NRG3: variants seen among roughly 807,000 people sequenced by gnomAD.
NRG3 encodes the protein pro-neuregulin-3, membrane-bound isoform.
A neutral mutation model predicts 66.9 loss-of-function variants in NRG3; 31 were observed. That is an observed-to-expected ratio of 0.46 (90% CI 0.35 to 0.63). NRG3 has a LOEUF of 0.63. NRG3 is among the 20% of genes least tolerant of loss of function. The pLI, the probability that NRG3 is intolerant of heterozygous loss-of-function variation, is 0.00. For missense variants in NRG3, 910 were observed against 878.9 expected (o/e 1.04, Z -0.45); for synonymous variants, 393 against 359.4 (o/e 1.09, Z -1.06).
chr10:82,565,642 G>T (rs2045353725), intron 2 of NRG3, among the ~76,000 whole-genome samples: 1 of 152,008 alleles, frequency 6.6e-6, no homozygotes, highest in Non-Finnish European at 1.5e-5. Context: ...TCTCAGGCTT[G>T]GTTGATTGGA....
intron 3 of NRG3, among the ~76,000 whole-genome samples, chr10:82,841,153 AG>A (rs1281351447): frequency 6.6e-6 from 1 of 152,132 alleles, no homozygotes; most frequent in Non-Finnish European, 1.5e-5. Flanking sequence ...AGGAACACAA[AG>A]GATTGCTGCC....
intron 4 of NRG3, among the ~76,000 whole-genome samples, chr10:82,929,748 T>G (rs1847367269): frequency 6.6e-6 from 1 of 151,792 alleles, no homozygotes; most frequent in Admixed American, 6.6e-5. Flanking sequence ...GCATGGTGGT[T>G]GGCACCTGTA....
chr10:82,436,150 C>T (rs1032384184), intron 2 of NRG3, among the ~76,000 whole-genome samples: 1 of 152,118 alleles, frequency 6.6e-6, no homozygotes, highest in African/African-American at 2.4e-5. Flanking sequence ...TAAAGTCTCC[C>T]ACTAGTATTG....
intron 2 of NRG3, among the ~76,000 whole-genome samples, chr10:82,650,313 C>T (rs1202717965): frequency 6.6e-6 from 1 of 152,146 alleles, no homozygotes; most frequent in Non-Finnish European, 1.5e-5. Flanking sequence ...AGGATACTGG[C>T]CCTGGGCTAT....
chr10:82,126,879 G>A (rs764757942), intron 1 of NRG3, among the ~76,000 whole-genome samples: 3 of 152,068 alleles, frequency 2.0e-5, no homozygotes, highest in Non-Finnish European at 4.4e-5. Flanking sequence ...AAGAGCCCAG[G>A]TTGGAGACAC....
chr10:82,142,434 A>G (rs1338394631), intron 1 of NRG3, among the ~76,000 whole-genome samples: 2 of 152,106 alleles, frequency 1.3e-5, no homozygotes, highest in East Asian at 1.9e-4. Flanking sequence ...GTGGTTGTGA[A>G]ACCCAGAGAG....
chr10:82,136,408 C>T (rs1219024375), intron 1 of NRG3, among the ~76,000 whole-genome samples: 1 of 151,868 alleles, frequency 6.6e-6, no homozygotes, highest in East Asian at 1.9e-4. Context: ...GTGTGTCCTT[C>T]TCTTTATTGA....
chr10:82,065,556 A>G (rs1352584220), intron 1 of NRG3, among the ~76,000 whole-genome samples: 3 of 152,182 alleles, frequency 2.0e-5, no homozygotes, highest in Non-Finnish European at 4.4e-5. Flanking sequence ...CCTGGCACAT[A>G]GTACATGTTA....
chr10:82,261,477 G>A lies in NRG3; in HGVS notation c.824-97262G>A, dbSNP rs191352307. 1.1e-4 allele frequency among the ~76,000 whole-genome samples: 17 copies of A among 152,210 alleles called. No individual in the cohort carries two copies. In the East Asian group the frequency reaches 3.3e-3, roughly 29 times the overall value. ...ACTAATTGCCGAGACCAGCTGGGTC[G>A]TGGAGACCTTAACCCAGCGGCGCTA... is the stretch of plus-strand genomic sequence containing the variant. On this transcript the variant is annotated intron_variant, in intron 1 of 8. Coordinates refer to ENST00000372141, the MANE Select transcript of NRG3 (RefSeq NM_001010848.4).
chr10:82,931,777 G>C (rs942813943), intron 4 of NRG3, among the ~76,000 whole-genome samples: 1 of 152,068 alleles, frequency 6.6e-6, no homozygotes, highest in East Asian at 1.9e-4. Context: ...GCAGTCTGCC[G>C]TCTGAGTGCA....
At chr10:82,442,491 G>A (rs1757976938) in intron 2 of NRG3, among the ~76,000 whole-genome samples, 5 of 152,160 alleles carry the variant, frequency 3.3e-5, no homozygotes, top group African/African-American at 1.2e-4. Flanking sequence ...GGAGATCCAC[G>A]TGGAAGCATA....
chr10:81,890,819 T>C (rs1023968342), intron 1 of NRG3, among the ~76,000 whole-genome samples: 2 of 152,204 alleles, frequency 1.3e-5, no homozygotes, highest in Non-Finnish European at 2.9e-5. Flanking sequence ...AGAGTGTCTA[T>C]GCAAGCAAGC....
At chr10:82,519,234 T>C (rs1318446721) in intron 2 of NRG3, among the ~76,000 whole-genome samples, 1 of 152,148 alleles carries the variant, frequency 6.6e-6, no homozygotes, top group Non-Finnish European at 1.5e-5. Context: ...CTTAGGAGAA[T>C]CTATAGTCTC....
chr10:82,896,292 G>A (rs1005046879), intron 4 of NRG3, among the ~76,000 whole-genome samples: 1 of 152,174 alleles, frequency 6.6e-6, no homozygotes, highest in Non-Finnish European at 1.5e-5. Flanking sequence ...ATGAAAAACT[G>A]CTCTCTGGAA....
At chr10:81,919,486 C>G (rs1028104903) in intron 1 of NRG3, among the ~76,000 whole-genome samples, 1 of 151,526 alleles carries the variant, frequency 6.6e-6, no homozygotes. Flanking sequence ...ATAACATTGC[C>G]TGGGGTGTTA....
At chr10:82,474,001 A>T (rs1297612489) in intron 2 of NRG3, among the ~76,000 whole-genome samples, 1 of 152,104 alleles carries the variant, frequency 6.6e-6, no homozygotes, top group Non-Finnish European at 1.5e-5. Flanking sequence ...TATATGAAGA[A>T]TTGGGGGAAA....
At chr10:82,207,107 T>C (rs2075157294) in intron 1 of NRG3, among the ~76,000 whole-genome samples, 1 of 152,164 alleles carries the variant, frequency 6.6e-6, no homozygotes, top group Admixed American at 6.6e-5. Context: ...GGATGAGTTG[T>C]TGGGCTAAGT....
At chr10:82,460,834 C>A (rs1044551636) in intron 2 of NRG3, among the ~76,000 whole-genome samples, 1 of 152,206 alleles carries the variant, frequency 6.6e-6, no homozygotes, top group Non-Finnish European at 1.5e-5. Flanking sequence ...GCCCTCTATC[C>A]TCCCACATGC....
intron 1 of NRG3, among the ~76,000 whole-genome samples, chr10:82,025,231 A>C (rs1050752379): frequency 1.0e-4 from 15 of 150,608 alleles, no homozygotes; most frequent in Non-Finnish European, 1.9e-4. Flanking sequence ...TTATAATATT[A>C]AATATCTTAT....
Sources: allele counts gnomAD v4.1 joint callset (sites outside exome capture counted in the v4.1 genomes callset), GRCh38; gene constraint gnomAD v4.1.1; transcripts MANE v1.5; gene names NCBI Gene and HGNC (gene_info 2026-07-23, HGNC 2026-07-21).